Variants in TLL1 observed in about 807,000 individuals in gnomAD.
TLL1 encodes tolloid-like protein 1.
In TLL1, 49 loss-of-function variants were observed where a neutral mutation model predicts 128.2. That is an observed-to-expected ratio of 0.38 (90% CI 0.30 to 0.48). The LOEUF (loss-of-function observed/expected upper bound fraction) is 0.48. Ranked by LOEUF, TLL1 falls within the 20% of genes least tolerant of loss-of-function variation. The pLI is 0.96. For missense variants in TLL1, 1,123 were observed against 1,242.0 expected (o/e 0.90, Z 1.44); for synonymous variants, 454 against 418.8 (o/e 1.08, Z -1.03).
chr4:165,883,343 A>G (rs930369467), intron 1 of TLL1, among the ~76,000 whole-genome samples: 6 of 151,662 alleles, frequency 4.0e-5, no homozygotes, highest in Non-Finnish European at 8.8e-5. Flanking sequence ...TGCAAATTGG[A>G]GTTGGTTTAA....
intron 18 of TLL1, among the ~76,000 whole-genome samples, chr4:166,082,535 A>G (rs1039055577): frequency 6.6e-6 from 1 of 151,762 alleles, no homozygotes; most frequent in Non-Finnish European, 1.5e-5. Flanking sequence ...AATACTTTAT[A>G]ATAACAGTTC....
chr4:165,874,012 T>C lies in TLL1; in HGVS notation c.108T>C (p.Thr36=). 1 of 1,614,174 alleles carries C rather than the reference T, an allele frequency of 6.2e-7. No homozygotes were observed. The highest frequency in any genetic ancestry group is 8.5e-7 in the Non-Finnish European group (1 of 1,180,038). The change falls in exon 1 of 21, where the codon ACT becomes ACC. Residue 36 remains threonine, a synonymous_variant. Transcript: ENST00000061240. Reference sequence around the variant, plus strand: ...GCGCTGGCCTCGATTATGATTACACTTTTGATGGGAACGAAGAGGATAAAA... The same window carrying C: ...GCGCTGGCCTCGATTATGATTACACCTTTGATGGGAACGAAGAGGATAAAA... ...WVCAGLDYDY[T]FDGNEEDKTE...
chr4:165,958,045 A>AT lies in TLL1; in HGVS notation c.170-31330dup, dbSNP rs570972572. 1.5e-3 allele frequency among the ~76,000 whole-genome samples: 231 copies of AT among 150,544 alleles called. 3 individuals are homozygous for AT. In the East Asian group the frequency reaches 0.043, roughly 28 times the overall value. ...TCCCTACAAAGGACATGAGCTCATC[A>AT]TTTTTTATGGCTGCATAGTATTCCA... On this transcript the variant is annotated intron_variant, in intron 1 of 20. Transcript: ENST00000061240.
chr4:165,894,167 T>C (rs1731554345), intron 1 of TLL1, among the ~76,000 whole-genome samples: 1 of 152,158 alleles, frequency 6.6e-6, no homozygotes, highest in Admixed American at 6.6e-5. Flanking sequence ...CAAAAATTCC[T>C]AAATTTAGTG....
intron 18 of TLL1, among the ~76,000 whole-genome samples, chr4:166,080,655 T>A (rs1226426164): frequency 6.6e-6 from 1 of 152,128 alleles, no homozygotes; most frequent in East Asian, 1.9e-4. Flanking sequence ...TGGAAACGGA[T>A]GCATCTCTTG....
chr4:165,893,609 T>G (rs1731515601), intron 1 of TLL1, among the ~76,000 whole-genome samples: 1 of 152,144 alleles, frequency 6.6e-6, no homozygotes, highest in Admixed American at 6.6e-5. Flanking sequence ...CACTACTGAT[T>G]AGTACTTCCA....
intron 10 of TLL1, among the ~76,000 whole-genome samples, chr4:166,041,127 GTTAT>G (rs1440086824): frequency 6.6e-6 from 1 of 152,086 alleles, no homozygotes. Context: ...GATAGTATTT[GTTAT>G]TCTGCCTAAA....
At chr4:165,998,996 G>A (rs988508254) in intron 5 of TLL1, among the ~76,000 whole-genome samples, 2 of 152,078 alleles carry the variant, frequency 1.3e-5, no homozygotes, top group Admixed American at 1.3e-4. Context: ...AACTTAAGCA[G>A]AAAAAACGAT....
intron 9 of TLL1, among the ~76,000 whole-genome samples, chr4:166,033,206 T>G (rs1335302982): frequency 6.6e-6 from 1 of 152,140 alleles, no homozygotes; most frequent in African/African-American, 2.4e-5. Context: ...GCCCAGATAT[T>G]TATCCTAGAA....
At chr4:165,975,329 C>T (rs1230563715) in intron 1 of TLL1, among the ~76,000 whole-genome samples, 6 of 152,086 alleles carry the variant, frequency 3.9e-5, no homozygotes, top group Admixed American at 3.9e-4. Context: ...CCCCTTCCCC[C>T]TCCCCCACGC....
At chr4:165,958,256 C>A (rs369156857) in intron 1 of TLL1, among the ~76,000 whole-genome samples, 4,432 of 138,986 alleles carry the variant, frequency 0.032, 206 homozygotes, top group African/African-American at 0.12. Context: ...AAATGGTATT[C>A]CTAGTTCTAG....
chr4:165,983,177 A>G (rs2110999845), intron 1 of TLL1, among the ~76,000 whole-genome samples: 1 of 152,014 alleles, frequency 6.6e-6, no homozygotes, highest in South Asian at 2.1e-4. Flanking sequence ...TTTGAGACAA[A>G]GAGTTCAGAA....
intron 1 of TLL1, 68 bp downstream of exon 1, chr4:165,874,141 C>A (rs1730618723): frequency 6.3e-7 from 1 of 1,582,868 alleles, no homozygotes; most frequent in African/African-American, 1.3e-5. Flanking sequence ...CCATGGGTGG[C>A]GGTGGGAGCT....
intron 1 of TLL1, among the ~76,000 whole-genome samples, chr4:165,926,126 A>G (rs531009420): frequency 1.1e-4 from 16 of 152,310 alleles, no homozygotes; most frequent in Middle Eastern, 3.4e-3. Context: ...ATGCCTGTAT[A>G]AGAATTGTTT....
chr4:166,029,169 T>A (rs1484365153), intron 9 of TLL1, among the ~76,000 whole-genome samples: 1 of 151,996 alleles, frequency 6.6e-6, no homozygotes, highest in Non-Finnish European at 1.5e-5. Flanking sequence ...TGTTTTTTTA[T>A]CATTTCGTAT....
chr4:165,931,412 G>T (rs1422356394), intron 1 of TLL1, among the ~76,000 whole-genome samples: 1 of 152,036 alleles, frequency 6.6e-6, no homozygotes, highest in African/African-American at 2.4e-5. Context: ...AAAACATTCA[G>T]CTGTGATTAG....
intron 1 of TLL1, among the ~76,000 whole-genome samples, chr4:165,969,316 A>G (rs1560779634): frequency 6.6e-6 from 1 of 152,102 alleles, no homozygotes; most frequent in Non-Finnish European, 1.5e-5. Flanking sequence ...GAAATGCTTA[A>G]GTAGTCTATC....
chr4:166,099,252 CA>C (rs756328022), intron 19 of TLL1, 24 bp from the exon 20 acceptor site: 37 of 1,613,164 alleles, frequency 2.3e-5, no homozygotes, highest in African/African-American at 4.0e-5. Flanking sequence ...TGACCTTACT[CA>C]TCTTATTTTT....
chr4:166,079,044 A>G (rs530339437), intron 18 of TLL1, among the ~76,000 whole-genome samples: 1 of 152,314 alleles, frequency 6.6e-6, no homozygotes, highest in South Asian at 2.1e-4. Flanking sequence ...CAATCTCTAT[A>G]CTTGTAAGTG....
Sources: gnomAD v4.1 joint callset for allele counts (sites outside exome capture counted in the v4.1 genomes callset) on GRCh38, gnomAD v4.1.1 for gene constraint, MANE v1.5 for transcripts, NCBI Gene and HGNC (gene_info 2026-07-23, HGNC 2026-07-21) for gene names.